FAM47E: variants seen among roughly 807,000 people sequenced by gnomAD.
FAM47E encodes protein FAM47E.
Under a neutral mutation model 41.6 loss-of-function variants are expected in FAM47E, and 32 were observed. The ratio of observed to expected loss-of-function variants is 0.77; its 90% CI spans 0.58 to 1.03. FAM47E has a LOEUF of 1.03. FAM47E is among the 50% of genes least tolerant of loss of function. FAM47E has a pLI of 0.00. For missense variants in FAM47E, 424 were observed against 485.4 expected (o/e 0.87, Z 1.19); for synonymous variants, 184 against 188.7 (o/e 0.98, Z 0.20).
chr4:76,265,813 A>G (rs533750765), intron 3 of FAM47E, among the ~76,000 whole-genome samples: 1 of 152,340 alleles, frequency 6.6e-6, no homozygotes, highest in South Asian at 2.1e-4. Flanking sequence ...TTGAACACAT[A>G]TATCTGATGA....
intron 1 of FAM47E, chr4:76,214,530 G>T: frequency 2.9e-6 from 1 of 346,420 alleles, no homozygotes; most frequent in South Asian, 2.1e-5. Context: ...CGGAGGTGTT[G>T]AGGCCCCAAG....
intron 2 of FAM47E, among the ~76,000 whole-genome samples, chr4:76,231,094 AAACCGTAG>A (rs140416264): frequency 0.038 from 5,861 of 152,256 alleles, 330 homozygotes; most frequent in African/African-American, 0.12. Context: ...TGCTAAGGTG[AAACCGTAG>A]AACTGAGTCC....
At chr4:76,224,272 T>C (rs143513427) in intron 2 of FAM47E, among the ~76,000 whole-genome samples, 136 of 152,330 alleles carry the variant, frequency 8.9e-4, no homozygotes, top group African/African-American at 3.2e-3. Context: ...GCCATCTGTG[T>C]TAATTGCCTT....
At chr4:76,282,089 A>G (rs1290247376) in intron 7 of FAM47E, 2 of 151,502 alleles carry the variant, frequency 1.3e-5, no homozygotes, top group African/African-American at 4.9e-5. Flanking sequence ...TACAGTGTAC[A>G]GAGATAAGAA....
At chr4:76,263,923 T>C (rs1051460632) in intron 3 of FAM47E, 80 bp downstream of exon 3, 6 of 1,494,968 alleles carry the variant, frequency 4.0e-6, no homozygotes, top group Non-Finnish European at 5.4e-6. Context: ...AAACTTCTCA[T>C]CTTTAGAATA....
In FAM47E at chr4:76,263,798, C is replaced by T; in HGVS notation, c.515C>T (p.Pro172Leu). The change falls in exon 3 of 8, where the codon CCC becomes CTC. Residue 172 changes from proline (P) to leucine (L), a missense_variant. Physicochemically the swap from Pro to Leu is moderately conservative, Grantham distance 98 (BLOSUM62 -3). Transcript: ENST00000424749. ...CQDTRKGMKE[P>L]TKLLKKHSTQ... is the part of the protein sequence containing the mutation. Reference sequence around the variant, plus strand: ...GACACCAGGAAAGGAATGAAGGAACCCACGAAGCTTTTAAAAAAACATTCT... The same window carrying T: ...GACACCAGGAAAGGAATGAAGGAACTCACGAAGCTTTTAAAAAAACATTCT... 6.4e-7 allele frequency: 1 copy of T among 1,551,448 alleles called. No homozygotes were observed. Among genetic ancestry groups the T allele is most frequent in the Non-Finnish European group, 8.7e-7 (1 of 1,146,838 alleles).
At chr4:76,251,558 C>G, upstream of FAM47E, 1 of 1,193,852 alleles carries the variant, frequency 8.4e-7, no homozygotes. Flanking sequence ...GTACCCTCTC[C>G]CTTCCCTCGG....
intron 2 of FAM47E, among the ~76,000 whole-genome samples, chr4:76,220,967 C>T (rs930191599): frequency 6.6e-6 from 1 of 152,172 alleles, no homozygotes; most frequent in Non-Finnish European, 1.5e-5. Context: ...GCAGCTTCCT[C>T]CTGGTCCTCT....
At chr4:76,236,350 A>C (rs1203407877) in intron 2 of FAM47E, 3 of 152,226 alleles carry the variant, frequency 2.0e-5, no homozygotes, top group Non-Finnish European at 2.9e-5. Context: ...ATTTATTTCA[A>C]ATAATGAGAT....
At chr4:76,253,017 C>T (rs1355115488) in intron 1 of FAM47E, among the ~76,000 whole-genome samples, 2 of 152,166 alleles carry the variant, frequency 1.3e-5, no homozygotes, top group Non-Finnish European at 2.9e-5. Flanking sequence ...CTTAGTATTA[C>T]CCCTTTGCTG....
At chr4:76,232,433 A>G (rs1017283075) in intron 2 of FAM47E, among the ~76,000 whole-genome samples, 1 of 152,190 alleles carries the variant, frequency 6.6e-6, no homozygotes, top group Admixed American at 6.5e-5. Context: ...AAGGATTAAA[A>G]CAAGACAACA....
chr4:76,256,564 C>T (rs546689958), intron 2 of FAM47E, 41 bp downstream of exon 2: 2 of 1,487,874 alleles, frequency 1.3e-6, no homozygotes, highest in Admixed American at 2.4e-5. Context: ...TTCACTGGGG[C>T]CTTGCAAATA....
intron 2 of FAM47E, among the ~76,000 whole-genome samples, chr4:76,243,052 A>G (rs180965930): frequency 6.6e-6 from 1 of 152,248 alleles, no homozygotes; most frequent in Non-Finnish European, 1.5e-5. Context: ...TTAGTAATGT[A>G]CCCCAGAGGG....
At chr4:76,226,418 A>C (rs1733399456) in intron 2 of FAM47E, among the ~76,000 whole-genome samples, 1 of 152,160 alleles carries the variant, frequency 6.6e-6, no homozygotes, top group African/African-American at 2.4e-5. Context: ...ATTTTGGGAG[A>C]GCAAGGAGCA....
chr4:76,276,368 G>GTTTTTTTTTTTTTTTGTTTTT (rs1553957220), intron 5 of FAM47E, among the ~76,000 whole-genome samples: 1 of 149,938 alleles, frequency 6.7e-6, no homozygotes, highest in Admixed American at 6.6e-5. Context: ...TTTTTTGTTT[G>GTTTTTTTTTTTTTTTGTTTTT]TTTGTTTTTT....
chr4:76,220,199 C>G (rs939036815), intron 2 of FAM47E, among the ~76,000 whole-genome samples: 5 of 152,160 alleles, frequency 3.3e-5, no homozygotes, highest in Non-Finnish European at 7.4e-5. Context: ...CAAACAAATA[C>G]TTGTAAACCA....
chr4:76,277,961 C>G, intron 5 of FAM47E, 108 bp from the exon 6 acceptor site: 4 of 1,306,428 alleles, frequency 3.1e-6, no homozygotes, highest in Non-Finnish European at 3.9e-6. Flanking sequence ...CAAGGACCAA[C>G]CTAAATTCCA....
upstream of FAM47E, among the ~76,000 whole-genome samples, chr4:76,250,455 T>C (rs184990543): frequency 2.4e-4 from 36 of 152,326 alleles, no homozygotes; most frequent in East Asian, 6.7e-3. Context: ...AGATTCTGAA[T>C]ATTAGTCCTT....
chr4:76,259,564 T>G (rs1734322064), intron 2 of FAM47E, among the ~76,000 whole-genome samples: 2 of 152,252 alleles, frequency 1.3e-5, no homozygotes, highest in Non-Finnish European at 2.9e-5. Context: ...AATCACTTAT[T>G]TGAAGATTTG....
Sources: gnomAD v4.1 joint callset for allele counts (sites outside exome capture counted in the v4.1 genomes callset) on GRCh38, gnomAD v4.1.1 for gene constraint, MANE v1.5 for transcripts, NCBI Gene and HGNC (gene_info 2026-07-23, HGNC 2026-07-21) for gene names.